Variants in KCTD1 observed in about 807,000 individuals in gnomAD.
The protein encoded by KCTD1 is potassium channel tetramerization domain containing 1.
KCTD1 carries 24 observed loss-of-function variants against 66.0 expected under a neutral mutation model. The ratio of observed to expected loss-of-function variants is 0.36; its 90% confidence interval spans 0.26 to 0.51. The LOEUF is 0.51. KCTD1 is among the 20% of genes least tolerant of loss of function. The probability of loss-of-function intolerance (pLI) is 0.95; values close to 1 mark genes in which losing one functional copy is unlikely to be tolerated. For missense variants in KCTD1, 943 were observed against 1,205.2 expected (o/e 0.78, Z 3.22); for synonymous variants, 511 against 517.2 (o/e 0.99, Z 0.16).
At chr18:26,467,702 C>G (rs538030976) in intron 3 of KCTD1, among the ~76,000 whole-genome samples, 5 of 151,636 alleles carry the variant, frequency 3.3e-5, no homozygotes, top group African/African-American at 1.2e-4. Context: ...GTAATCCCAG[C>G]TACTTGGGAG....
chr18:26,600,022 G>A, intron 1 of KCTD1: 1 of 1,611,592 alleles, frequency 6.2e-7, no homozygotes, highest in Non-Finnish European at 8.5e-7. Flanking sequence ...CGATATGGAG[G>A]ACGACAGCAT....
chr18:26,520,847 G>A (rs1338953271), intron 1 of KCTD1, among the ~76,000 whole-genome samples: 1 of 152,190 alleles, frequency 6.6e-6, no homozygotes, highest in African/African-American at 2.4e-5. Context: ...TCTCAGCGTT[G>A]GGCTGGCATC....
chr18:26,487,398 A>C (rs1333423023), intron 2 of KCTD1, among the ~76,000 whole-genome samples: 1 of 151,208 alleles, frequency 6.6e-6, no homozygotes, highest in African/African-American at 2.4e-5. Flanking sequence ...AGAATCTATC[A>C]AAAGTCCATA....
intron 1 of KCTD1, among the ~76,000 whole-genome samples, chr18:26,620,348 TAAAAAAAAAAAA>T (rs10594272): frequency 2.3e-5 from 2 of 87,206 alleles, no homozygotes; most frequent in Non-Finnish European, 3.9e-5. Context: ...AGGTAAATCT[TAAAAAAAAAAAA>T]AAAAAAAAAA....
chr18:26,539,610 T>A lies in KCTD1; in HGVS notation c.1809+7118A>T, dbSNP rs111520912. On this transcript the variant is annotated intron_variant, in intron 1 of 4. Transcript: ENST00000580059. ...GAATGAATCAAGTTTGTCTCTGCAG[T>A]CTGCAGTACAACAAGATGGGAGCCT... Among the ~76,000 whole-genome samples, 166 of 152,364 alleles carry A rather than the reference T, an allele frequency of 1.1e-3. 3 individuals carry two copies. Among genetic ancestry groups the A allele is most frequent in the African/African-American group, 3.6e-3 (149 of 41,578 alleles).
chr18:26,551,059 C>G (rs976196164), upstream of KCTD1, among the ~76,000 whole-genome samples: 18 of 152,308 alleles, frequency 1.2e-4, no homozygotes, highest in Non-Finnish European at 2.1e-4. Context: ...CCAGGTCTCC[C>G]CACCTCTGCG....
chr18:26,548,845 A>G, upstream of KCTD1: 3 of 1,023,590 alleles, frequency 2.9e-6, no homozygotes, highest in Non-Finnish European at 3.5e-6. Flanking sequence ...AAAAAAAAGG[A>G]AAGGGAGGGA....
At chr18:26,548,910 CG>C, upstream of KCTD1, 1 of 989,284 alleles carries the variant, frequency 1.0e-6, no homozygotes, top group Non-Finnish European at 1.2e-6. Flanking sequence ...GAGAATTGCG[CG>C]GGCCCGGGCG....
intron 2 of KCTD1, among the ~76,000 whole-genome samples, chr18:26,487,409 T>C (rs1266125815): frequency 6.9e-6 from 1 of 144,682 alleles, no homozygotes; most frequent in Non-Finnish European, 1.5e-5. Context: ...AAAGTCCATA[T>C]TACCCAACAT....
intron 3 of KCTD1, among the ~76,000 whole-genome samples, chr18:26,473,967 T>C (rs1333829704): frequency 6.6e-6 from 1 of 152,250 alleles, no homozygotes; most frequent in African/African-American, 2.4e-5. Flanking sequence ...ATCCTTGGCA[T>C]GTGCCCCACT....
At chr18:26,561,777 CCAAA>C (rs1384182995) in intron 1 of KCTD1, among the ~76,000 whole-genome samples, 2 of 152,182 alleles carry the variant, frequency 1.3e-5, no homozygotes, top group Non-Finnish European at 2.9e-5. Context: ...AACTCCTGAG[CCAAA>C]CAGTCTCTCT....
chr18:26,657,219 C>G (rs1366915936), intron 1 of KCTD1: 2 of 588,920 alleles, frequency 3.4e-6, no homozygotes, highest in Non-Finnish European at 2.1e-6. Flanking sequence ...TTCCTAGTCG[C>G]CCGCCGCGGC....
intron 1 of KCTD1, among the ~76,000 whole-genome samples, chr18:26,505,694 C>T (rs1982998763): frequency 6.6e-6 from 1 of 152,140 alleles, no homozygotes; most frequent in African/African-American, 2.4e-5. Context: ...GTAGCTAGGA[C>T]TACAAGTGTG....
At chr18:26,604,295 CACTT>C (rs1986963869) in intron 1 of KCTD1, among the ~76,000 whole-genome samples, 1 of 152,194 alleles carries the variant, frequency 6.6e-6, no homozygotes, top group East Asian at 1.9e-4. Context: ...GAAAAAGAAA[CACTT>C]ACATACTGGT....
At chr18:26,552,854 A>G (rs1360220005), upstream of KCTD1, among the ~76,000 whole-genome samples, 7 of 152,222 alleles carry the variant, frequency 4.6e-5, no homozygotes, top group Non-Finnish European at 5.9e-5. Flanking sequence ...CATTTTAAAG[A>G]CACAAATTAA....
intron 1 of KCTD1, among the ~76,000 whole-genome samples, chr18:26,558,518 A>G (rs1191898169): frequency 3.3e-5 from 5 of 152,206 alleles, no homozygotes; most frequent in Non-Finnish European, 7.4e-5. Context: ...TGTTTGTTGC[A>G]GCACTGTTGA....
intron 1 of KCTD1, among the ~76,000 whole-genome samples, chr18:26,590,991 A>G (rs1256024293): frequency 1.3e-5 from 2 of 152,212 alleles, no homozygotes; most frequent in Non-Finnish European, 2.9e-5. Context: ...ACTAAGGAGA[A>G]TATGAAGATC....
chr18:26,600,492 G>A (rs868708045), intron 1 of KCTD1, among the ~76,000 whole-genome samples: 3 of 151,902 alleles, frequency 2.0e-5, no homozygotes, highest in Non-Finnish European at 4.4e-5. Flanking sequence ...AAGCTGGCTG[G>A]GGGGGGTGCA....
intron 1 of KCTD1, among the ~76,000 whole-genome samples, chr18:26,561,537 A>T (rs1462620150): frequency 6.6e-6 from 1 of 152,088 alleles, no homozygotes; most frequent in Non-Finnish European, 1.5e-5. Flanking sequence ...TAAGCCTAAA[A>T]CCAACACAAT....
Sources: allele counts gnomAD v4.1 joint callset (sites outside exome capture counted in the v4.1 genomes callset), GRCh38; gene constraint gnomAD v4.1.1; transcripts MANE v1.5; gene names NCBI Gene and HGNC (gene_info 2026-07-23, HGNC 2026-07-21).